The following PLCG2 variants were observed in gnomAD, a reference collection of about 807,000 sequenced individuals.
PLCG2 encodes the protein 1-phosphatidylinositol 4,5-bisphosphate phosphodiesterase gamma-2.
Under a neutral mutation model 175.6 loss-of-function variants are expected in PLCG2, and 69 were observed. The ratio of observed to expected loss-of-function variants is 0.39; its 90% CI spans 0.32 to 0.48. PLCG2 has a LOEUF of 0.48. PLCG2 is among the 20% of genes least tolerant of loss of function. PLCG2 has a pLI of 0.91. For missense variants in PLCG2, 1,798 were observed against 1,650.9 expected (o/e 1.09, Z -1.54); for synonymous variants, 827 against 624.0 (o/e 1.33, Z -4.85).
At chr16:81,796,549 T>G (rs143938007) in intron 2 of PLCG2, among the ~76,000 whole-genome samples, 45 of 152,326 alleles carry the variant, frequency 3.0e-4, no homozygotes, top group Middle Eastern at 3.4e-3. Context: ...CTTACCAATT[T>G]CATATGTCAA....
chr16:81,861,620 G>C (rs1333502880), intron 5 of PLCG2, among the ~76,000 whole-genome samples: 1 of 152,166 alleles, frequency 6.6e-6, no homozygotes, highest in Non-Finnish European at 1.5e-5. Flanking sequence ...GCTTGTGTTG[G>C]AAGATTTGGT....
intron 14 of PLCG2, among the ~76,000 whole-genome samples, chr16:81,904,322 A>T (rs961311573): frequency 2.0e-5 from 3 of 152,218 alleles, no homozygotes; most frequent in African/African-American, 7.2e-5. Context: ...CATGGCCAGT[A>T]AGGTAATAGG....
chr16:81,840,077 T>C (rs1031603970), intron 2 of PLCG2, among the ~76,000 whole-genome samples: 2 of 152,216 alleles, frequency 1.3e-5, no homozygotes, highest in African/African-American at 4.8e-5. Flanking sequence ...TAAAGAATTA[T>C]TTGATGGCCC....
rs1203078739 is a variant in PLCG2, at chr16:81,961,368, TTAAG to T, written c.*3372_*3375del. ...GTGGAGAAAAGCCCTCTTTATCTCA[TTAAG>T]TGATACATTTCCAAAGAAGTTTTAC... On this transcript the variant is annotated 3_prime_UTR_variant, in exon 33 of 33. Transcript: ENST00000564138. 1.8e-5 allele frequency: 4 copies of T among 226,238 alleles called. No individual in the cohort carries two copies. The highest frequency in any genetic ancestry group is 2.6e-5 in the Non-Finnish European group (3 of 113,772). 14.0% of individuals were successfully genotyped at this position (226,238 alleles called of 1,614,324 possible).
chr16:81,761,940 T>A (rs1464971790), intron 2 of PLCG2, among the ~76,000 whole-genome samples: 2 of 151,342 alleles, frequency 1.3e-5, no homozygotes, highest in Non-Finnish European at 2.9e-5. Context: ...CAAGTGATTC[T>A]CCTGCCTCAG....
At chr16:81,873,469 G>A in intron 7 of PLCG2, among the ~76,000 whole-genome samples, 1 of 152,102 alleles carries the variant, frequency 6.6e-6, no homozygotes, top group East Asian at 1.9e-4. Flanking sequence ...TATGAAATTT[G>A]GAATGGTGAC....
chr16:81,946,321 A>G, intron 31 of PLCG2, 58 bp downstream of exon 31: 1 of 1,254,422 alleles, frequency 8.0e-7, no homozygotes, highest in Non-Finnish European at 1.2e-6. Context: ...GTGAGGGTAG[A>G]AACGGCCCGT....
At chr16:81,755,439 C>G (rs1284025568) in intron 1 of PLCG2, among the ~76,000 whole-genome samples, 1 of 151,024 alleles carries the variant, frequency 6.6e-6, no homozygotes, top group African/African-American at 2.4e-5. Flanking sequence ...CTTCTGAGCT[C>G]TAGTGATCTG....
At chr16:81,912,395 C>T (rs1450638837) in intron 18 of PLCG2, among the ~76,000 whole-genome samples, 2 of 152,196 alleles carry the variant, frequency 1.3e-5, no homozygotes, top group Non-Finnish European at 2.9e-5. Context: ...TGAAACAGAC[C>T]CCTGGGGTCT....
intron 2 of PLCG2, among the ~76,000 whole-genome samples, chr16:81,820,850 A>G (rs1404897459): frequency 1.3e-5 from 2 of 149,568 alleles, no homozygotes; most frequent in Non-Finnish European, 3.0e-5. Context: ...AGAACTCCTG[A>G]CGTCAAATGA....
Position 81,877,534 on chromosome 16 carries a change from A to G in PLCG2, c.649-3376A>G, listed in dbSNP as rs142340119. Among the ~76,000 whole-genome samples, 943 of 152,376 alleles carry G rather than the reference A, an allele frequency of 6.2e-3. 10 individuals carry two copies. The highest frequency in any genetic ancestry group is 0.022 in the African/African-American group (901 of 41,596). On this transcript the variant is annotated intron_variant, in intron 7 of 32. Transcript: ENST00000564138. ...AAAAGTCCAAAATCCAGGTGTTGGC[A>G]GGGCCACACCCCTCGGAAGGCTCCA...
chr16:81,856,706 C>T (rs12931199), intron 3 of PLCG2, among the ~76,000 whole-genome samples: 46,121 of 152,110 alleles, frequency 0.3, 7,696 homozygotes, highest in South Asian at 0.38. Context: ...CTGAATACTG[C>T]CCTCCCACGA....
intron 2 of PLCG2, among the ~76,000 whole-genome samples, chr16:81,786,715 G>A (rs1332015134): frequency 1.3e-5 from 2 of 152,178 alleles, no homozygotes; most frequent in African/African-American, 2.4e-5. Flanking sequence ...CCCTACCTCC[G>A]TTTGATTGGG....
At chr16:81,917,920 A>C (rs1396740572) in intron 19 of PLCG2, among the ~76,000 whole-genome samples, 8 of 152,018 alleles carry the variant, frequency 5.3e-5, no homozygotes, top group Non-Finnish European at 8.8e-5. Context: ...ACGGGGTTTC[A>C]CCATGTTGGC....
At chr16:81,926,331 C>T (rs990599927) in intron 22 of PLCG2, among the ~76,000 whole-genome samples, 1 of 152,044 alleles carries the variant, frequency 6.6e-6, no homozygotes, top group Admixed American at 6.5e-5. Flanking sequence ...TTGGAGAGTC[C>T]CTGGCTGCGG....
chr16:81,744,762 C>T (rs989209956), intron 1 of PLCG2, among the ~76,000 whole-genome samples: 13 of 151,988 alleles, frequency 8.6e-5, no homozygotes, highest in Admixed American at 1.3e-4. Context: ...GGCAAAGTCT[C>T]ACTATGTTGC....
intron 1 of PLCG2, among the ~76,000 whole-genome samples, chr16:81,748,539 T>C (rs978178540): frequency 3.9e-5 from 6 of 152,102 alleles, no homozygotes; most frequent in African/African-American, 1.4e-4. Flanking sequence ...AGAGGAGAAC[T>C]GGTTTGGGGG....
chr16:81,833,575 G>C (rs1905361344), intron 2 of PLCG2, among the ~76,000 whole-genome samples: 1 of 150,892 alleles, frequency 6.6e-6, no homozygotes, highest in Non-Finnish European at 1.5e-5. Context: ...TGTCACCCAG[G>C]CTGGAGTGCG....
At chr16:81,795,873 C>T (rs1374046322) in intron 2 of PLCG2, among the ~76,000 whole-genome samples, 1 of 152,216 alleles carries the variant, frequency 6.6e-6, no homozygotes, top group Non-Finnish European at 1.5e-5. Context: ...CCCCCTCCCA[C>T]CTTCTATTGA....
Sources: allele counts gnomAD v4.1 joint callset (sites outside exome capture counted in the v4.1 genomes callset), GRCh38; gene constraint gnomAD v4.1.1; transcripts MANE v1.5; gene names NCBI Gene and HGNC (gene_info 2026-07-23, HGNC 2026-07-21).